The following TM4SF4 variants were observed in gnomAD, a reference collection of about 807,000 sequenced individuals.
The protein encoded by TM4SF4 is transmembrane 4 L six family member 4.
TM4SF4 carries 24 observed loss-of-function variants against 24.1 expected under a neutral mutation model. That is an observed-to-expected ratio of 1.00 (90% CI 0.72 to 1.40). The LOEUF is 1.40. Ranked by LOEUF, TM4SF4 falls within the 40% of genes most tolerant of loss-of-function variation. TM4SF4 has a pLI of 0.00. For missense variants in TM4SF4, 254 were observed against 254.2 expected (o/e 1.00, Z 0.01); for synonymous variants, 113 against 97.0 (o/e 1.17, Z -0.97).
chr3:149,474,801 C>CA lies in TM4SF4; in HGVS notation c.-72dup. 1 of 1,477,646 alleles carries CA rather than the reference C, an allele frequency of 6.8e-7. No homozygotes were observed. The highest frequency in any genetic ancestry group is 1.4e-5 in the South Asian group (1 of 70,650). The allele number at this position is 1,477,646 out of a possible 1,614,324, so 91.5% of individuals were successfully genotyped here. A position where few individuals can be genotyped will look rare whatever the true frequency, so the allele number is the denominator to read the frequency against. The stretch of plus-strand genomic sequence containing the variant: ...GAGACAATTACAAGGACTCTCTGGC[C>CA]AAAAACCCTTGAAGAGGCCCCGTGA... On this transcript the variant is annotated 5_prime_UTR_variant, in exon 1 of 5. Transcript: ENST00000305354.
intron 2 of TM4SF4, among the ~76,000 whole-genome samples, chr3:149,481,584 C>G (rs1734034778): frequency 6.6e-6 from 1 of 152,142 alleles, no homozygotes; most frequent in Non-Finnish European, 1.5e-5. Flanking sequence ...AATCTCTATT[C>G]CTCCTTACTA....
chr3:149,500,551 A>G (rs1033578811), intron 4 of TM4SF4, among the ~76,000 whole-genome samples: 1 of 152,208 alleles, frequency 6.6e-6, no homozygotes, highest in African/African-American at 2.4e-5. Context: ...ACCAACTAGT[A>G]ATCCACCAAA....
At chr3:149,481,887 A>T (rs1367582507) in intron 2 of TM4SF4, among the ~76,000 whole-genome samples, 1 of 152,150 alleles carries the variant, frequency 6.6e-6, no homozygotes, top group Non-Finnish European at 1.5e-5. Flanking sequence ...AGCCCGTTGA[A>T]TTTTTTCTCT....
intron 3 of TM4SF4, among the ~76,000 whole-genome samples, chr3:149,492,047 T>C (rs886388884): frequency 2.0e-5 from 3 of 152,154 alleles, no homozygotes; most frequent in Non-Finnish European, 4.4e-5. Flanking sequence ...ATGATGGTTC[T>C]AGTGATGTGG....
chr3:149,495,987 A>G, intron 3 of TM4SF4: 1 of 272,944 alleles, frequency 3.7e-6, no homozygotes, highest in Admixed American at 3.8e-5. Context: ...AAGTCTGCCC[A>G]GAAAGCTCAG....
rs776603298 is a variant in TM4SF4, at chr3:149,498,846, A to T, written c.526A>T (p.Ile176Phe). 1 of 1,613,980 alleles carries T rather than the reference A, an allele frequency of 6.2e-7. No individual in the cohort carries two copies. Among genetic ancestry groups the T allele is most frequent in the South Asian group, 1.1e-5 (1 of 91,080 alleles). Residue 176 changes from isoleucine to phenylalanine, a missense_variant, in exon 4 of 5, where the codon ATC becomes TTC. By Grantham distance (21) the Ile-to-Phe change is conservative (BLOSUM62 0). Coordinates refer to ENST00000305354, the MANE Select transcript of TM4SF4 (RefSeq NM_004617.4). ...AGGAATCCAGATGGTTCTCTGCGCC[A>T]TCCAGGTGGTCAATGGCCTCCTGGG... ...VGGIQMVLCA[I>F]QVVNGLLGTL...
At chr3:149,499,838 G>T (rs542616266) in intron 4 of TM4SF4, among the ~76,000 whole-genome samples, 8 of 152,162 alleles carry the variant, frequency 5.3e-5, no homozygotes, top group African/African-American at 1.7e-4. Flanking sequence ...TCTCACCACC[G>T]CACTCCAGTC....
intron 1 of TM4SF4, 32 bp downstream of exon 1, chr3:149,475,083 G>T (rs777355432): frequency 7.5e-6 from 12 of 1,589,930 alleles, no homozygotes; most frequent in Non-Finnish European, 1.0e-5. Context: ...CCCCCTAAGG[G>T]AGATTTTCCC....
At chr3:149,494,185 A>G (rs1734268687) in intron 3 of TM4SF4, among the ~76,000 whole-genome samples, 1 of 152,152 alleles carries the variant, frequency 6.6e-6, no homozygotes, top group African/African-American at 2.4e-5. Flanking sequence ...CTTTTTTGCC[A>G]GACTCTCAAA....
intron 3 of TM4SF4, among the ~76,000 whole-genome samples, chr3:149,497,767 C>A (rs929471679): frequency 6.6e-6 from 1 of 152,136 alleles, no homozygotes; most frequent in Non-Finnish European, 1.5e-5. Flanking sequence ...GCCTTAGTCT[C>A]CTGAGTAGCT....
intron 3 of TM4SF4, among the ~76,000 whole-genome samples, 189 bp from the exon 4 acceptor site, chr3:149,498,533 G>A (rs978525172): frequency 6.6e-6 from 1 of 152,174 alleles, no homozygotes; most frequent in African/African-American, 2.4e-5. Context: ...AACAGGGTCT[G>A]GCACACAGGG....
intron 3 of TM4SF4, among the ~76,000 whole-genome samples, chr3:149,488,480 C>T (rs976088204): frequency 1.3e-5 from 2 of 152,214 alleles, no homozygotes; most frequent in Non-Finnish European, 2.9e-5. Context: ...CTTAGCCTTT[C>T]ATAGTACACA....
At chr3:149,489,599 C>CA (rs1734177175) in intron 3 of TM4SF4, among the ~76,000 whole-genome samples, 1 of 152,172 alleles carries the variant, frequency 6.6e-6, no homozygotes, top group South Asian at 2.1e-4. Context: ...TCAGGAGTGA[C>CA]AGCTGGCCTG....
chr3:149,478,068 A>C (rs556512397), intron 2 of TM4SF4, among the ~76,000 whole-genome samples: 74 of 152,264 alleles, frequency 4.9e-4, no homozygotes, highest in Non-Finnish European at 8.2e-4. Context: ...ATAGCATTCT[A>C]AGTATTACAC....
chr3:149,499,996 T>C lies in TM4SF4; in HGVS notation c.591+1085T>C, dbSNP rs1262647737. Among the ~76,000 whole-genome samples the C allele has an allele frequency of 1.3e-5, 2 of 152,214 alleles. 1 individual carries two copies. The highest frequency in any genetic ancestry group is 2.9e-5 in the Non-Finnish European group (2 of 68,042). ...TATAAAGGTATTCAGTTGGAAAGTC[T>C]CCCTCCGGCCTTTGTCTTCTATCCA... On this transcript the variant is annotated intron_variant, in intron 4 of 4. Coordinates refer to ENST00000305354, the MANE Select transcript of TM4SF4 (RefSeq NM_004617.4).
chr3:149,478,126 CA>C (rs1560028522), intron 2 of TM4SF4, among the ~76,000 whole-genome samples: 3 of 152,072 alleles, frequency 2.0e-5, no homozygotes, highest in African/African-American at 7.2e-5. Context: ...AAGATGAAGG[CA>C]AAAAAAGTTT....
At chr3:149,491,578 T>C (rs74536312) in intron 3 of TM4SF4, among the ~76,000 whole-genome samples, 4 of 152,078 alleles carry the variant, frequency 2.6e-5, no homozygotes, top group Admixed American at 1.3e-4. Flanking sequence ...TACATATATA[T>C]ACACACACAC....
At chr3:149,478,469 C>G (rs779485384) in intron 2 of TM4SF4, among the ~76,000 whole-genome samples, 2 of 152,104 alleles carry the variant, frequency 1.3e-5, no homozygotes, top group South Asian at 2.1e-4. Flanking sequence ...TTTATAAGCA[C>G]ATTTCATTAA....
chr3:149,483,049 C>G (rs1037171544), intron 2 of TM4SF4, among the ~76,000 whole-genome samples: 2 of 152,080 alleles, frequency 1.3e-5, no homozygotes, highest in Non-Finnish European at 2.9e-5. Context: ...CCAAGACCCC[C>G]CTCCTTCATA....
Sources: allele counts gnomAD v4.1 joint callset (sites outside exome capture counted in the v4.1 genomes callset), GRCh38; gene constraint gnomAD v4.1.1; transcripts MANE v1.5; gene names NCBI Gene and HGNC (gene_info 2026-07-23, HGNC 2026-07-21).